Variants in GLB1 observed in about 807,000 individuals in gnomAD.
GLB1 encodes the protein galactosidase beta 1.
A neutral mutation model predicts 74.0 loss-of-function variants in GLB1; 56 were observed. That is an observed-to-expected ratio of 0.76 (90% confidence interval 0.61 to 0.94). The LOEUF (loss-of-function observed/expected upper bound fraction) is 0.94, where lower values mean the gene tolerates loss of function less well. GLB1 is among the 40% of genes least tolerant of loss of function. GLB1 has a pLI of 0.00. For missense variants in GLB1, 787 were observed against 845.5 expected, an observed-to-expected ratio of 0.93 and a Z score of 0.86; for synonymous variants, 323 against 323.6, an observed-to-expected ratio of 1.00 and a Z score of 0.02.
At chr3:33,016,579 T>C (rs1056141313) in intron 14 of GLB1, 130 bp downstream of exon 14, 1 of 1,517,178 alleles carries the variant, frequency 6.6e-7, no homozygotes, top group African/African-American at 1.4e-5. Flanking sequence ...CTTGAACTCC[T>C]GGCCTCAAGT....
intron 1 of GLB1, chr3:33,094,081 C>G: frequency 6.2e-7 from 1 of 1,614,232 alleles, no homozygotes; most frequent in Non-Finnish European, 8.5e-7. Context: ...CAACGCCAGG[C>G]CCTGAGCTCA....
the GLB1 span, among the ~76,000 whole-genome samples, chr3:32,988,956 T>C: frequency 7.6e-6 from 1 of 132,360 alleles, no homozygotes; most frequent in Non-Finnish European, 1.5e-5. Context: ...ATCACAATTT[T>C]AGGGTACAAA....
chr3:33,027,652 C>T (rs1329645345), intron 10 of GLB1, among the ~76,000 whole-genome samples: 2 of 152,132 alleles, frequency 1.3e-5, no homozygotes, highest in Non-Finnish European at 2.9e-5. Context: ...CATGGTGGCA[C>T]ATGCCTGTAG....
chr3:33,036,809 GAATA>G (rs1698297773), intron 10 of GLB1, among the ~76,000 whole-genome samples: 1 of 152,116 alleles, frequency 6.6e-6, no homozygotes, highest in African/African-American at 2.4e-5. Flanking sequence ...GAAATATCTA[GAATA>G]GGCAAATTCA....
At chr3:33,038,056 T>C (rs1284750886) in intron 10 of GLB1, 3 of 145,700 alleles carry the variant, frequency 2.1e-5, no homozygotes, top group Admixed American at 6.9e-5. Flanking sequence ...AGGCTCAGAT[T>C]GGTGAGAGAG....
chr3:33,019,368 T>C (rs762563977), intron 12 of GLB1, among the ~76,000 whole-genome samples: 1 of 152,244 alleles, frequency 6.6e-6, no homozygotes, highest in Non-Finnish European at 1.5e-5. Context: ...ATTATAGTTA[T>C]TGACTTTGCT....
At chr3:33,015,479 C>T (rs1030901483) in intron 14 of GLB1, among the ~76,000 whole-genome samples, 1 of 152,212 alleles carries the variant, frequency 6.6e-6, no homozygotes, top group Non-Finnish European at 1.5e-5. Flanking sequence ...CTAACTTCCC[C>T]TTCCCTGGCT....
chr3:33,055,150 C>A (rs1014237931), intron 6 of GLB1, among the ~76,000 whole-genome samples: 1 of 152,262 alleles, frequency 6.6e-6, no homozygotes, highest in Non-Finnish European at 1.5e-5. Flanking sequence ...CTCTCCCACA[C>A]AAAGCAATGA....
At chr3:33,075,178 C>A (rs1700061123) in intron 1 of GLB1, among the ~76,000 whole-genome samples, 1 of 152,128 alleles carries the variant, frequency 6.6e-6, no homozygotes, top group Non-Finnish European at 1.5e-5. Flanking sequence ...ATATACATGG[C>A]TAAGTGTCAA....
At chr3:32,982,501 C>G in the GLB1 span, among the ~76,000 whole-genome samples, 1 of 151,316 alleles carries the variant, frequency 6.6e-6, no homozygotes, top group East Asian at 2.0e-4. Flanking sequence ...CAAAAACAAA[C>G]AACAACAAAA....
Position 32,997,381 on chromosome 3 carries a change from T to A in GLB1, c.1735-37A>T, listed in dbSNP as rs376947340. 3 of 1,610,806 alleles carry A rather than the reference T, an allele frequency of 1.9e-6. No homozygotes were observed. In the Admixed American group the frequency reaches 5.0e-5, roughly 27 times the overall value. ...GAGACAGAGAACCATCAACCCCAGATGCACCGAAAGCCCTGAGGAAGGTGG... is the reference window on the plus strand; with the variant it reads ...GAGACAGAGAACCATCAACCCCAGAAGCACCGAAAGCCCTGAGGAAGGTGG... On this transcript the variant is annotated intron_variant, in intron 15 of 15. Transcript: ENST00000307363.
chr3:33,065,105 CAG>C (rs1575467687), intron 5 of GLB1, among the ~76,000 whole-genome samples: 1 of 152,176 alleles, frequency 6.6e-6, no homozygotes, highest in African/African-American at 2.4e-5. Context: ...GCAGGAGAAA[CAG>C]AGAGACAAAC....
intron 10 of GLB1, among the ~76,000 whole-genome samples, chr3:33,041,862 T>C (rs1459662723): frequency 6.6e-6 from 1 of 152,072 alleles, no homozygotes; most frequent in Non-Finnish European, 1.5e-5. Flanking sequence ...TGTCTCAAGC[T>C]GTGCATTCAT....
intron 10 of GLB1, among the ~76,000 whole-genome samples, chr3:33,036,769 A>G (rs1698296168): frequency 6.6e-6 from 1 of 152,218 alleles, no homozygotes; most frequent in East Asian, 1.9e-4. Flanking sequence ...CAGATACAAA[A>G]GGACCAATAT....
At chr3:33,034,750 C>T (rs1057258843) in intron 10 of GLB1, 19 of 674,006 alleles carry the variant, frequency 2.8e-5, no homozygotes, top group Non-Finnish European at 5.4e-5. Context: ...TCAGTGATGT[C>T]AACAAGGGCC....
chr3:33,060,716 G>C (rs946795067), intron 5 of GLB1, among the ~76,000 whole-genome samples: 1 of 152,234 alleles, frequency 6.6e-6, no homozygotes, highest in African/African-American at 2.4e-5. Context: ...GGTTTTGAGA[G>C]AGCGAGAAAA....
At chr3:33,080,987 C>T (rs1323460710) in intron 1 of GLB1, among the ~76,000 whole-genome samples, 1 of 152,136 alleles carries the variant, frequency 6.6e-6, no homozygotes, top group African/African-American at 2.4e-5. Context: ...TCTGTGGGAC[C>T]GGGAGGAGGC....
intron 10 of GLB1, among the ~76,000 whole-genome samples, chr3:33,026,026 C>T (rs1177056755): frequency 5.3e-5 from 8 of 152,128 alleles, no homozygotes; most frequent in African/African-American, 1.4e-4. Flanking sequence ...CGTGGTTGGG[C>T]ACGGAGGGGC....
chr3:33,024,124 G>T, intron 11 of GLB1, 127 bp downstream of exon 11: 1 of 1,126,306 alleles, frequency 8.9e-7, no homozygotes, highest in Non-Finnish European at 1.3e-6. Flanking sequence ...TAGGCTTGCA[G>T]AAAACAAATT....
Sources: allele counts gnomAD v4.1 joint callset (sites outside exome capture counted in the v4.1 genomes callset), GRCh38; gene constraint gnomAD v4.1.1; transcripts MANE v1.5; gene names NCBI Gene and HGNC (gene_info 2026-07-23, HGNC 2026-07-21).